Variants in LUZP2 observed in about 807,000 individuals in gnomAD.
LUZP2 encodes leucine zipper protein 2.
LUZP2 carries 52 observed loss-of-function variants against 51.6 expected under a neutral mutation model. The ratio of observed to expected loss-of-function variants is 1.01; its 90% CI spans 0.81 to 1.27. LUZP2 has a LOEUF of 1.27. LUZP2 is among the 50% of genes most tolerant of loss of function. LUZP2 has a pLI of 0.00. For synonymous variants in LUZP2, 154 were observed against 137.3 expected (o/e 1.12, Z -0.85); for missense variants, 436 against 395.4 (o/e 1.10, Z -0.87).
At chr11:24,923,357 A>T (rs950665720) in intron 7 of LUZP2, among the ~76,000 whole-genome samples, 3 of 152,034 alleles carry the variant, frequency 2.0e-5, no homozygotes, top group African/African-American at 7.2e-5. Context: ...TTGAAAACTG[A>T]GTCTCTCCAA....
At chr11:24,666,181 C>A (rs1856206678) in intron 1 of LUZP2, among the ~76,000 whole-genome samples, 1 of 152,012 alleles carries the variant, frequency 6.6e-6, no homozygotes, top group African/African-American at 2.4e-5. Flanking sequence ...AGAAGCTGAA[C>A]TCAGGAGCTG....
In LUZP2 at chr11:24,909,677, A is replaced by G. The variant is rs916202180; in HGVS notation, c.459+3624A>G. 1.9e-4 allele frequency among the ~76,000 whole-genome samples: 29 copies of G among 152,166 alleles called. 1 individual carries two copies. The highest frequency in any genetic ancestry group is 1.8e-3 in the Admixed American group (28 of 15,272). On this transcript the variant is annotated intron_variant, in intron 6 of 11. Coordinates refer to ENST00000336930, the MANE Select transcript of LUZP2 (RefSeq NM_001009909.4). ...TCAGCAGCACAAAATAATGATAACCATGTAAAGCAGAATTATCTTAGAGGG... is the reference window on the plus strand; with the variant it reads ...TCAGCAGCACAAAATAATGATAACCGTGTAAAGCAGAATTATCTTAGAGGG...
intron 10 of LUZP2, among the ~76,000 whole-genome samples, chr11:25,068,263 A>G (rs934625736): frequency 1.3e-5 from 2 of 151,964 alleles, no homozygotes; most frequent in Non-Finnish European, 2.9e-5. Context: ...GTGTATACCT[A>G]TGTAACAAAC....
At chr11:25,070,184 A>G (rs964583117) in intron 10 of LUZP2, among the ~76,000 whole-genome samples, 4 of 151,876 alleles carry the variant, frequency 2.6e-5, no homozygotes, top group African/African-American at 4.8e-5. Flanking sequence ...AAAAGAAGTT[A>G]AGCAGAAAGA....
At chr11:24,922,760 C>A (rs1854097669) in intron 7 of LUZP2, among the ~76,000 whole-genome samples, 1 of 143,206 alleles carries the variant, frequency 7.0e-6, no homozygotes, top group Non-Finnish European at 1.5e-5. Flanking sequence ...GATTAGAAAA[C>A]CAAGACCCAG....
chr11:24,801,591 A>T (rs1320726376), intron 5 of LUZP2, among the ~76,000 whole-genome samples: 2 of 151,920 alleles, frequency 1.3e-5, no homozygotes, highest in Admixed American at 1.3e-4. Context: ...AATTCTTATC[A>T]CAACTCCATA....
chr11:24,972,778 A>G (rs1239879325), intron 7 of LUZP2, among the ~76,000 whole-genome samples: 4 of 152,152 alleles, frequency 2.6e-5, no homozygotes, highest in African/African-American at 7.2e-5. Flanking sequence ...TGTAAAGCCA[A>G]CTTGATTGTG....
At chr11:24,507,867 A>AT (rs1419174043) in intron 1 of LUZP2, among the ~76,000 whole-genome samples, 1 of 152,020 alleles carries the variant, frequency 6.6e-6, no homozygotes, top group Non-Finnish European at 1.5e-5. Flanking sequence ...TTTCTAAGAA[A>AT]TGTGTGAATT....
chr11:25,061,173 C>A (rs1185284790), intron 10 of LUZP2, among the ~76,000 whole-genome samples: 3 of 152,114 alleles, frequency 2.0e-5, no homozygotes, highest in Non-Finnish European at 2.9e-5. Flanking sequence ...TGTGGGACTC[C>A]CAGTAATGAC....
chr11:24,615,556 T>C (rs769783819), intron 1 of LUZP2, among the ~76,000 whole-genome samples: 17 of 152,000 alleles, frequency 1.1e-4, no homozygotes, highest in Non-Finnish European at 1.6e-4. Context: ...TTGAAAGATA[T>C]ATGTTTTCTT....
In LUZP2 at chr11:25,081,817, T is replaced by A. The variant is rs1039291949; in HGVS notation, c.*3159T>A. The A allele has an allele frequency of 6.6e-6, 1 of 152,170 alleles. No individual in the cohort carries two copies. The highest frequency in any genetic ancestry group is 1.5e-5 in the Non-Finnish European group (1 of 68,002). 9.4% of individuals were successfully genotyped at this position (152,170 alleles called of 1,614,324 possible). On this transcript the variant is annotated 3_prime_UTR_variant, in exon 12 of 12. Coordinates refer to ENST00000336930, the MANE Select transcript of LUZP2 (RefSeq NM_001009909.4). Reference sequence around the variant, plus strand: ...AAGATTATTTACATTTTGAAAAACATGGAATTGATTCTTATTAAGAAAAAA... The same window carrying A: ...AAGATTATTTACATTTTGAAAAACAAGGAATTGATTCTTATTAAGAAAAAA...
intron 9 of LUZP2, among the ~76,000 whole-genome samples, chr11:25,000,464 GT>G (rs1270860567): frequency 3.3e-5 from 5 of 152,186 alleles, no homozygotes; most frequent in African/African-American, 4.8e-5. Context: ...CTTGGTAGTA[GT>G]TGTTAGTTGA....
rs1279930269 is a variant in LUZP2, at chr11:24,687,946, T to C, written c.63-41223T>C. ...CACAGCACCCCCTTAGTTTCCTGCC[T>C]GGAGACAAGTTTCGGCTTGGAGCCT... On this transcript the variant is annotated intron_variant, in intron 1 of 11. Transcript: ENST00000336930. Among the ~76,000 whole-genome samples, 3 of 152,240 alleles carry C rather than the reference T, an allele frequency of 2.0e-5. No homozygotes were observed. The East Asian group carries it at 5.8e-4, about 29-fold the overall frequency.
rs1450402018 is a variant in LUZP2, at chr11:24,997,333, C to T, written c.765+14040C>T. ...ATTCTAACTGGTGTGAGATGGTATC[C>T]CATTGCGGTTTTGATTTGCATTTCT... On this transcript the variant is annotated intron_variant, in intron 9 of 11. Coordinates refer to ENST00000336930, the MANE Select transcript of LUZP2 (RefSeq NM_001009909.4). Among the ~76,000 whole-genome samples the T allele has an allele frequency of 8.5e-5, 13 of 152,092 alleles. No homozygotes were observed. In the South Asian group the frequency reaches 2.3e-3, roughly 27 times the overall value.
chr11:24,718,381 C>T (rs929036588), intron 1 of LUZP2, among the ~76,000 whole-genome samples: 4 of 152,130 alleles, frequency 2.6e-5, no homozygotes, highest in Admixed American at 6.5e-5. Flanking sequence ...CAGTCTTTTG[C>T]GCAGATTAAT....
chr11:24,852,098 G>T (rs773346222), intron 5 of LUZP2, among the ~76,000 whole-genome samples: 1 of 136,458 alleles, frequency 7.3e-6, no homozygotes, highest in Non-Finnish European at 1.6e-5. Flanking sequence ...GATTTTTCAT[G>T]TCACTATCTC....
intron 5 of LUZP2, among the ~76,000 whole-genome samples, chr11:24,856,688 A>G (rs528733232): frequency 6.6e-6 from 1 of 152,230 alleles, no homozygotes; most frequent in African/African-American, 2.4e-5. Context: ...GTGTCCATCA[A>G]TGGATAATTG....
rs78512773 is a variant in LUZP2, at chr11:25,059,747, G to T, written c.858+9617G>T. On this transcript the variant is annotated intron_variant, in intron 10 of 11. Transcript: ENST00000336930. ...TAAACACAAAAGGAGGAGAGGAAAAGAAACAAAGAACTGAGGGGAAAAACT... is the reference window on the plus strand; with the variant it reads ...TAAACACAAAAGGAGGAGAGGAAAATAAACAAAGAACTGAGGGGAAAAACT... 7.0e-3 allele frequency among the ~76,000 whole-genome samples: 1,064 copies of T among 152,236 alleles called. 34 individuals are homozygous for T. The East Asian group carries it at 0.1, about 14-fold the overall frequency.
At chr11:24,656,384 T>C (rs1855804531) in intron 1 of LUZP2, among the ~76,000 whole-genome samples, 1 of 152,186 alleles carries the variant, frequency 6.6e-6, no homozygotes, top group South Asian at 2.1e-4. Flanking sequence ...TTTAGATAGG[T>C]AGATAGAGGC....
Sources: gnomAD v4.1 joint callset for allele counts (sites outside exome capture counted in the v4.1 genomes callset) on GRCh38, gnomAD v4.1.1 for gene constraint, MANE v1.5 for transcripts, NCBI Gene and HGNC (gene_info 2026-07-23, HGNC 2026-07-21) for gene names.